Variants in KIAA0319L observed in about 807,000 individuals in gnomAD.
The protein encoded by KIAA0319L is KIAA0319 like.
Under a neutral mutation model 120.1 loss-of-function variants are expected in KIAA0319L, and 55 were observed. The observed-to-expected ratio is 0.46, with a 90% CI of 0.37 to 0.57. The LOEUF is 0.57. Among genes scored for constraint, KIAA0319L ranks in the 20% least tolerant of loss-of-function variants. KIAA0319L has a pLI of 0.00. For missense variants in KIAA0319L, 1,049 were observed against 1,255.3 expected (o/e 0.84, Z 2.48); for synonymous variants, 398 against 471.9 (o/e 0.84, Z 2.03).
chr1:35,536,615 AT>A (rs551749686), intron 2 of KIAA0319L, among the ~76,000 whole-genome samples: 43 of 152,326 alleles, frequency 2.8e-4, no homozygotes, highest in African/African-American at 1.0e-3. Context: ...CACAATTCTA[AT>A]GCCTTTAACT....
intron 13 of KIAA0319L, among the ~76,000 whole-genome samples, chr1:35,451,366 G>T (rs1194370887): frequency 6.6e-6 from 1 of 152,202 alleles, no homozygotes; most frequent in Non-Finnish European, 1.5e-5. Context: ...AAAGTAAGGA[G>T]GGAAGGAGGG....
intron 3 of KIAA0319L, among the ~76,000 whole-genome samples, chr1:35,504,619 G>A (rs1207327180): frequency 6.6e-6 from 1 of 152,174 alleles, no homozygotes; most frequent in African/African-American, 2.4e-5. Context: ...GCTTTTAGTA[G>A]CTACATTCTG....
At chr1:35,476,021 C>A (rs1643888884) in intron 4 of KIAA0319L, among the ~76,000 whole-genome samples, 1 of 152,240 alleles carries the variant, frequency 6.6e-6, no homozygotes, top group Admixed American at 6.5e-5. Context: ...TCTGTCTCCT[C>A]TCCAAGAAAT....
intron 9 of KIAA0319L, among the ~76,000 whole-genome samples, chr1:35,457,083 T>C (rs1316166514): frequency 1.3e-5 from 2 of 152,190 alleles, no homozygotes; most frequent in African/African-American, 4.8e-5. Context: ...CTGAGGTCTC[T>C]ATAAGAATTG....
At chr1:35,484,759 T>C (rs1312561997) in intron 3 of KIAA0319L, among the ~76,000 whole-genome samples, 1 of 141,888 alleles carries the variant, frequency 7.0e-6, no homozygotes, top group East Asian at 2.0e-4. Flanking sequence ...ACGATTTAAG[T>C]TTTTAATCAT....
intron 2 of KIAA0319L, among the ~76,000 whole-genome samples, chr1:35,520,025 G>A (rs948520039): frequency 9.9e-5 from 15 of 152,110 alleles, no homozygotes; most frequent in African/African-American, 3.6e-4. Flanking sequence ...TGGGCTTCCT[G>A]GTCATTCTCC....
chr1:35,540,416 A>T (rs1646743770), intron 2 of KIAA0319L, among the ~76,000 whole-genome samples: 1 of 152,222 alleles, frequency 6.6e-6, no homozygotes, highest in Non-Finnish European at 1.5e-5. Context: ...GGGCAGGAGC[A>T]CCCTAATGCA....
chr1:35,498,059 G>A (rs1441431863), intron 3 of KIAA0319L, among the ~76,000 whole-genome samples: 1 of 152,216 alleles, frequency 6.6e-6, no homozygotes, highest in East Asian at 1.9e-4. Flanking sequence ...TAGGCTGGGC[G>A]CAGTGGCTCA....
chr1:35,442,805 T>G, intron 18 of KIAA0319L, 101 bp downstream of exon 18: 2 of 1,401,760 alleles, frequency 1.4e-6, no homozygotes, highest in Non-Finnish European at 2.0e-6. Context: ...GTTCTTCTCC[T>G]TGCCTGCTCA....
intron 2 of KIAA0319L, among the ~76,000 whole-genome samples, chr1:35,522,112 T>C (rs1347422806): frequency 6.6e-6 from 1 of 152,152 alleles, no homozygotes; most frequent in Non-Finnish European, 1.5e-5. Flanking sequence ...TTCAGAGCAG[T>C]ATGTATAGCA....
chr1:35,485,944 TTAAGA>T (rs1644369316), intron 3 of KIAA0319L, among the ~76,000 whole-genome samples: 1 of 152,184 alleles, frequency 6.6e-6, no homozygotes, highest in Admixed American at 6.5e-5. Context: ...CTCTGGCTCC[TTAAGA>T]TATTAGTTTT....
chr1:35,535,797 T>C (rs546664688), intron 2 of KIAA0319L, among the ~76,000 whole-genome samples: 88 of 152,286 alleles, frequency 5.8e-4, no homozygotes, highest in African/African-American at 2.1e-3. Context: ...ACCTCTATCA[T>C]AGCATTTCTC....
chr1:35,480,097 T>C (rs1644101927), intron 3 of KIAA0319L, among the ~76,000 whole-genome samples: 1 of 152,010 alleles, frequency 6.6e-6, no homozygotes, highest in African/African-American at 2.4e-5. Flanking sequence ...AGCTGAGTTT[T>C]AGAGGATAAA....
intron 8 of KIAA0319L, among the ~76,000 whole-genome samples, chr1:35,460,813 A>T (rs796265694): frequency 2.0e-5 from 3 of 152,276 alleles, no homozygotes; most frequent in African/African-American, 7.2e-5. Flanking sequence ...CCAAAATTTC[A>T]TAACACATTA....
At chr1:35,494,602 C>T (rs903936561) in intron 3 of KIAA0319L, among the ~76,000 whole-genome samples, 4 of 151,748 alleles carry the variant, frequency 2.6e-5, no homozygotes, top group Non-Finnish European at 5.9e-5. Flanking sequence ...TGAGACCAGC[C>T]TGCGCAACAT....
At chr1:35,520,807 T>C (rs369956902) in intron 2 of KIAA0319L, among the ~76,000 whole-genome samples, 10 of 152,172 alleles carry the variant, frequency 6.6e-5, no homozygotes, top group African/African-American at 2.4e-4. Flanking sequence ...GTAGAGTTTA[T>C]AAGTTAGATG....
intron 3 of KIAA0319L, among the ~76,000 whole-genome samples, chr1:35,489,843 T>C (rs1644526650): frequency 6.6e-6 from 1 of 151,964 alleles, no homozygotes; most frequent in Non-Finnish European, 1.5e-5. Flanking sequence ...ATTTTTGTAT[T>C]TTGAGTAGAG....
chr1:35,507,142 A>T lies in KIAA0319L; in HGVS notation c.143-7T>A. On this transcript the variant is annotated splice_polypyrimidine_tract_variant and splice_region_variant and intron_variant, in intron 2 of 20. Transcript: ENST00000325722. Reference sequence around the variant, plus strand: ...CACCTGCTCTCACTGGCATCTAAAAACAAAGAATGAAAACATTTTCAGATG... The same window carrying T: ...CACCTGCTCTCACTGGCATCTAAAATCAAAGAATGAAAACATTTTCAGATG... The T allele has an allele frequency of 6.6e-7, 1 of 1,515,176 alleles. No homozygotes were observed. The highest frequency in any genetic ancestry group is 2.3e-5 in the East Asian group (1 of 43,908). The allele number at this position is 1,515,176 out of a possible 1,614,324, so 93.9% of individuals were successfully genotyped here. A position where few individuals can be genotyped will look rare whatever the true frequency, so the allele number is the denominator to read the frequency against.
intron 3 of KIAA0319L, among the ~76,000 whole-genome samples, chr1:35,488,004 T>G (rs2148344651): frequency 6.6e-6 from 1 of 152,342 alleles, no homozygotes; most frequent in East Asian, 1.9e-4. Context: ...TTCAGATGCT[T>G]TTTCTATCAT....
Sources: allele counts gnomAD v4.1 joint callset (sites outside exome capture counted in the v4.1 genomes callset), GRCh38; gene constraint gnomAD v4.1.1; transcripts MANE v1.5; gene names NCBI Gene and HGNC (gene_info 2026-07-23, HGNC 2026-07-21).